The following GALNTL6 variants were observed in gnomAD, a reference collection of about 807,000 sequenced individuals.
GALNTL6 encodes the protein polypeptide N-acetylgalactosaminyltransferase like 6, also known as polypeptide N-acetylgalactosaminyltransferase-like 6.
In GALNTL6, 46 loss-of-function variants were observed where a neutral mutation model predicts 73.7. The observed-to-expected ratio is 0.62, with a 90% confidence interval of 0.49 to 0.80. The LOEUF (loss-of-function observed/expected upper bound fraction) is 0.80. Among genes scored for constraint, GALNTL6 ranks in the 30% least tolerant of loss-of-function variants. GALNTL6 has a pLI of 0.00. For missense variants in GALNTL6, 604 were observed against 755.0 expected, an observed-to-expected ratio of 0.80 and a Z score of 2.34; for synonymous variants, 259 against 263.7, an observed-to-expected ratio of 0.98 and a Z score of 0.17.
In GALNTL6 at chr4:172,095,863, T is replaced by C. The variant is rs763837116; in HGVS notation, c.139-133793T>C. 2.2e-3 allele frequency among the ~76,000 whole-genome samples: 338 copies of C among 152,104 alleles called. 1 individual carries two copies. The highest frequency in any genetic ancestry group is 2.3e-3 in the Non-Finnish European group (156 of 67,982). On this transcript the variant is annotated intron_variant, in intron 2 of 12. Coordinates refer to ENST00000506823, the MANE Select transcript of GALNTL6 (RefSeq NM_001034845.3). Reference sequence around the variant, plus strand: ...AATTATTTTTTACTTATCCTAAGTATTCTAAAATTTATATTTAAATTTATA... The same window carrying C: ...AATTATTTTTTACTTATCCTAAGTACTCTAAAATTTATATTTAAATTTATA...
chr4:172,591,484 C>A (rs1579219947), intron 5 of GALNTL6, among the ~76,000 whole-genome samples: 1 of 152,204 alleles, frequency 6.6e-6, no homozygotes, highest in East Asian at 1.9e-4. Context: ...ACCATAAAAA[C>A]CTAACCATCT....
At chr4:172,406,714 T>G (rs1470388421) in intron 5 of GALNTL6, among the ~76,000 whole-genome samples, 1 of 152,034 alleles carries the variant, frequency 6.6e-6, no homozygotes, top group Non-Finnish European at 1.5e-5. Flanking sequence ...AGGCTAAATT[T>G]GTCATATATT....
chr4:172,955,076 CAT>C (rs1244344245), intron 10 of GALNTL6, among the ~76,000 whole-genome samples: 2 of 152,236 alleles, frequency 1.3e-5, no homozygotes, highest in South Asian at 2.1e-4. Flanking sequence ...ATAAGTGAAA[CAT>C]GTACATTTAA....
intron 5 of GALNTL6, among the ~76,000 whole-genome samples, chr4:172,382,612 A>G (rs1329287708): frequency 6.6e-6 from 1 of 152,034 alleles, no homozygotes; most frequent in African/African-American, 2.4e-5. Flanking sequence ...ATAAAGTTCA[A>G]TTTCCTAGAT....
At chr4:172,342,389 G>T (rs1406302551) in intron 4 of GALNTL6, among the ~76,000 whole-genome samples, 3 of 152,104 alleles carry the variant, frequency 2.0e-5, no homozygotes, top group African/African-American at 7.2e-5. Context: ...TCCTGTGTAG[G>T]CTATAATTAC....
chr4:172,397,102 G>A (rs1162268544), intron 5 of GALNTL6, among the ~76,000 whole-genome samples: 1 of 152,098 alleles, frequency 6.6e-6, no homozygotes, highest in Non-Finnish European at 1.5e-5. Context: ...ATATATATAT[G>A]TGTTTGTTCA....
chr4:172,379,515 C>T (rs535881959), intron 5 of GALNTL6, among the ~76,000 whole-genome samples: 22 of 111,292 alleles, frequency 2.0e-4, no homozygotes, highest in Middle Eastern at 0.01. Context: ...CCGGCCTGGG[C>T]GACAGAGCGA....
intron 5 of GALNTL6, among the ~76,000 whole-genome samples, chr4:172,537,952 T>A (rs1032651507): frequency 6.6e-6 from 1 of 152,170 alleles, no homozygotes; most frequent in South Asian, 2.1e-4. Context: ...TGAACTTATT[T>A]GGAGGTGAGG....
intron 2 of GALNTL6, among the ~76,000 whole-genome samples, chr4:172,193,356 G>A (rs1214780184): frequency 6.6e-6 from 1 of 152,206 alleles, no homozygotes; most frequent in Non-Finnish European, 1.5e-5. Flanking sequence ...GCATTCACTG[G>A]TGATGCCTCC....
chr4:171,991,114 A>T (rs1740318410), intron 2 of GALNTL6, among the ~76,000 whole-genome samples: 2 of 152,154 alleles, frequency 1.3e-5, no homozygotes, highest in Non-Finnish European at 2.9e-5. Context: ...ACCTTCCAAA[A>T]GATCAATGAA....
At chr4:172,700,089 TA>T (rs1042242460) in intron 5 of GALNTL6, among the ~76,000 whole-genome samples, 1 of 152,066 alleles carries the variant, frequency 6.6e-6, no homozygotes, top group African/African-American at 2.4e-5. Context: ...TAAGCAGTTT[TA>T]AAAAAACTAC....
chr4:172,152,857 G>A (rs72700963), intron 2 of GALNTL6, among the ~76,000 whole-genome samples: 3,194 of 152,050 alleles, frequency 0.021, 35 homozygotes, highest in Non-Finnish European at 0.031. Context: ...CAGTCTGCCC[G>A]CATCAGCCTC....
intron 5 of GALNTL6, among the ~76,000 whole-genome samples, chr4:172,748,520 G>T (rs1319377867): frequency 3.9e-5 from 6 of 151,906 alleles, no homozygotes; most frequent in African/African-American, 1.5e-4. Flanking sequence ...GAAAAAAAAT[G>T]CTATTTCAGG....
Position 172,217,156 on chromosome 4 carries a change from A to G in GALNTL6, c.139-12500A>G, listed in dbSNP as rs988437822. ...TTTAAAAGGTGTTGGACTCTTAGTTAATCTCTTCAGGATTGGGAGGGCCTG... is the reference window on the plus strand; with the variant it reads ...TTTAAAAGGTGTTGGACTCTTAGTTGATCTCTTCAGGATTGGGAGGGCCTG... On this transcript the variant is annotated intron_variant, in intron 2 of 12. Transcript: ENST00000506823. Among the ~76,000 whole-genome samples, 5 of 152,124 alleles carry G rather than the reference A, an allele frequency of 3.3e-5. No individual in the cohort carries two copies. The South Asian group carries it at 8.3e-4, about 25-fold the overall frequency.
At chr4:171,820,523 A>T (rs2930908) in intron 2 of GALNTL6, among the ~76,000 whole-genome samples, 148,153 of 152,344 alleles carry the variant, frequency 0.97, 72,183 homozygotes, top group Middle Eastern at 1. Flanking sequence ...TTTTGTTTTC[A>T]GCAATATTTT....
At chr4:172,576,590 G>A (rs1736965472) in intron 5 of GALNTL6, among the ~76,000 whole-genome samples, 2 of 152,282 alleles carry the variant, frequency 1.3e-5, no homozygotes, top group East Asian at 1.9e-4. Flanking sequence ...CTTCTGAGTT[G>A]TAGCCTTCTT....
intron 12 of GALNTL6, among the ~76,000 whole-genome samples, chr4:173,026,594 G>A (rs1753243163): frequency 6.6e-6 from 1 of 152,184 alleles, no homozygotes; most frequent in South Asian, 2.1e-4. Context: ...GGTATTGTCA[G>A]TTTCTTTTTC....
At chr4:172,838,410 C>T (rs991300039) in intron 7 of GALNTL6, among the ~76,000 whole-genome samples, 1 of 152,206 alleles carries the variant, frequency 6.6e-6, no homozygotes, top group African/African-American at 2.4e-5. Context: ...GTCAGCTGTC[C>T]TGCCACACTG....
chr4:172,185,465 C>A (rs914817400), intron 2 of GALNTL6, among the ~76,000 whole-genome samples: 1 of 152,176 alleles, frequency 6.6e-6, no homozygotes, highest in South Asian at 2.1e-4. Flanking sequence ...GTTTGTATAT[C>A]TTCTTTCAGG....
Sources: allele counts gnomAD v4.1 joint callset (sites outside exome capture counted in the v4.1 genomes callset), GRCh38; gene constraint gnomAD v4.1.1; transcripts MANE v1.5; gene names NCBI Gene and HGNC (gene_info 2026-07-23, HGNC 2026-07-21).